DLGAP2: variants seen among roughly 807,000 people sequenced by gnomAD.
DLGAP2 encodes DLG associated protein 2, also known as disks large-associated protein 2.
DLGAP2 carries 26 observed loss-of-function variants against 100.3 expected under a neutral mutation model. That is an observed-to-expected ratio of 0.26 (90% CI 0.19 to 0.36). DLGAP2 has a LOEUF of 0.36. Among genes scored for constraint, DLGAP2 ranks in the 10% least tolerant of loss-of-function variants. The pLI, the probability that DLGAP2 is intolerant of heterozygous loss-of-function variation, is 1.00. For missense variants in DLGAP2, 1,858 were observed against 1,453.2 expected (o/e 1.28, Z -4.53); for synonymous variants, 886 against 630.1 (o/e 1.41, Z -6.08).
At chr8:1,662,493 A>G (rs1798430871) in intron 8 of DLGAP2, among the ~76,000 whole-genome samples, 1 of 152,226 alleles carries the variant, frequency 6.6e-6, no homozygotes, top group Admixed American at 6.5e-5. Flanking sequence ...ATGAGAAAAC[A>G]CTAGATCAGG....
At chr8:1,129,271 C>T (rs1358131047) in intron 2 of DLGAP2, among the ~76,000 whole-genome samples, 2 of 151,932 alleles carry the variant, frequency 1.3e-5, no homozygotes, top group Non-Finnish European at 2.9e-5. Context: ...GGCAAGGTGG[C>T]ACGTGCCTGT....
intron 2 of DLGAP2, among the ~76,000 whole-genome samples, chr8:1,038,744 G>C (rs2600507): frequency 2.6e-5 from 4 of 152,198 alleles, no homozygotes; most frequent in African/African-American, 9.7e-5. Context: ...GACAGTAGGT[G>C]AGGGTCAAAA....
chr8:1,087,161 G>T (rs74950462), intron 2 of DLGAP2, among the ~76,000 whole-genome samples: 6,221 of 152,240 alleles, frequency 0.041, 195 homozygotes, highest in Middle Eastern at 0.065. Flanking sequence ...AGAAATTAAT[G>T]AATATCTTGA....
intron 3 of DLGAP2, among the ~76,000 whole-genome samples, chr8:1,496,347 T>A (rs578067946): frequency 6.6e-6 from 1 of 152,058 alleles, no homozygotes; most frequent in Admixed American, 6.5e-5. Flanking sequence ...AACCTGCAGG[T>A]CTGTCTGCGC....
chr8:1,407,170 G>A (rs9693367), intron 3 of DLGAP2, among the ~76,000 whole-genome samples: 14 of 41,220 alleles, frequency 3.4e-4, no homozygotes, highest in Non-Finnish European at 5.5e-4. Flanking sequence ...TGTATTGAGA[G>A]CTTACTGAGC....
chr8:1,258,348 C>T (rs1799271915), intron 2 of DLGAP2, among the ~76,000 whole-genome samples: 1 of 151,746 alleles, frequency 6.6e-6, no homozygotes, highest in South Asian at 2.1e-4. Context: ...TACTACCAAA[C>T]ACCACATGAT....
intron 3 of DLGAP2, among the ~76,000 whole-genome samples, chr8:1,324,436 C>T (rs950254999): frequency 1.2e-4 from 18 of 152,206 alleles, no homozygotes; most frequent in East Asian, 7.7e-4. Flanking sequence ...ATTTCGTCTG[C>T]GTTACTGTCT....
At chr8:1,543,545 A>C (rs1801432794) in intron 4 of DLGAP2, among the ~76,000 whole-genome samples, 1 of 152,214 alleles carries the variant, frequency 6.6e-6, no homozygotes, top group African/African-American at 2.4e-5. Flanking sequence ...CCATGTGTGC[A>C]TCCTTGTGTG....
At chr8:1,507,973 A>C (rs187706975) in intron 4 of DLGAP2, among the ~76,000 whole-genome samples, 1 of 152,104 alleles carries the variant, frequency 6.6e-6, no homozygotes, top group Non-Finnish European at 1.5e-5. Flanking sequence ...ACGTGGTCAC[A>C]TGAAAGGCCT....
chr8:744,649 G>A (rs1362703729), intron 1 of DLGAP2, among the ~76,000 whole-genome samples: 1 of 146,244 alleles, frequency 6.8e-6, no homozygotes, highest in Non-Finnish European at 1.5e-5. Context: ...CTGGCTGTCT[G>A]CTCCCCACGG....
At chr8:1,209,064 T>G (rs1798052506) in intron 2 of DLGAP2, among the ~76,000 whole-genome samples, 1 of 152,074 alleles carries the variant, frequency 6.6e-6, no homozygotes, top group Non-Finnish European at 1.5e-5. Context: ...ATTGTTAAAA[T>G]GACCATACTG....
intron 2 of DLGAP2, among the ~76,000 whole-genome samples, chr8:1,113,184 G>C (rs1000316974): frequency 2.0e-5 from 3 of 152,004 alleles, no homozygotes; most frequent in Non-Finnish European, 4.4e-5. Context: ...TGGATATTTG[G>C]GCTTTTTTTT....
chr8:1,359,067 A>G (rs948936638), intron 3 of DLGAP2, among the ~76,000 whole-genome samples: 1 of 152,134 alleles, frequency 6.6e-6, no homozygotes, highest in Non-Finnish European at 1.5e-5. Context: ...GGGGCCCACG[A>G]TTCTGCATTT....
At chr8:1,223,361 C>A (rs919234431) in intron 2 of DLGAP2, among the ~76,000 whole-genome samples, 1 of 152,202 alleles carries the variant, frequency 6.6e-6, no homozygotes, top group African/African-American at 2.4e-5. Context: ...TGCATGGAGC[C>A]AGCCATCTTG....
chr8:1,678,561 C>G lies in DLGAP2; in HGVS notation c.2636C>G (p.Thr879Arg), dbSNP rs770798498. The part of the protein sequence containing the change: ...SWFLKLLHAE[T>R]KRMEGWCKEM... ...TTTTTGAAGCTGCTGCACGCAGAGA[C>G]AAAGAGGATGGAAGGCTGGTGCAAA... is the stretch of plus-strand genomic sequence containing the variant. Residue 879 changes from threonine to arginine, a missense_variant, in exon 12 of 15, where the codon ACA becomes AGA. Physicochemically the swap from Thr to Arg is moderately conservative, Grantham distance 71 (BLOSUM62 -1). Transcript: ENST00000637795. 11 of 1,587,916 alleles carry G rather than the reference C, an allele frequency of 6.9e-6. No homozygotes were observed. The highest frequency in any genetic ancestry group is 8.6e-6 in the Non-Finnish European group (10 of 1,167,496).
At chr8:1,617,580 T>C (rs1797197549) in intron 6 of DLGAP2, among the ~76,000 whole-genome samples, 2 of 152,230 alleles carry the variant, frequency 1.3e-5, no homozygotes, top group Non-Finnish European at 2.9e-5. Context: ...GCTTGCAAAT[T>C]TGTTTAAGTT....
At chr8:1,501,525 C>T in intron 4 of DLGAP2, 94 bp downstream of exon 4, 2 of 1,215,600 alleles carry the variant, frequency 1.6e-6, no homozygotes, top group Non-Finnish European at 2.3e-6. Flanking sequence ...CCCACAAACA[C>T]ACGTTAGCAT....
intron 3 of DLGAP2, among the ~76,000 whole-genome samples, chr8:1,426,322 C>G (rs28493074): frequency 0.21 from 31,872 of 152,134 alleles, 3,605 homozygotes; most frequent in East Asian, 0.35. Flanking sequence ...CGACTCCAGA[C>G]TAGATCTGCT....
rs548363860 is a variant in DLGAP2 at position 905,424 on chromosome 8, G to C, written c.19-2488G>C. Among the ~76,000 whole-genome samples the C allele has an allele frequency of 1.3e-5, 2 of 152,120 alleles. 1 individual carries two copies. ...TGTGGGATCATTCGTCATACCATGC[G>C]TCTGAACTGGTGACTCTCAAGCGAT... On this transcript the variant is annotated intron_variant, in intron 1 of 14. Coordinates refer to ENST00000637795, the MANE Select transcript of DLGAP2 (RefSeq NM_001346810.2).
Sources: allele counts gnomAD v4.1 joint callset (sites outside exome capture counted in the v4.1 genomes callset), GRCh38; gene constraint gnomAD v4.1.1; transcripts MANE v1.5; gene names NCBI Gene and HGNC (gene_info 2026-07-23, HGNC 2026-07-21).